Variants in BMPR2 observed in about 807,000 individuals in gnomAD.
BMPR2 encodes bone morphogenetic protein receptor type 2.
BMPR2 carries 29 observed loss-of-function variants against 100.8 expected under a neutral mutation model. That is an observed-to-expected ratio of 0.29 (90% CI 0.21 to 0.39). The LOEUF is 0.39. BMPR2 is among the 10% of genes least tolerant of loss of function. BMPR2 has a pLI of 1.00. For missense variants in BMPR2, 1,011 were observed against 1,274.5 expected (o/e 0.79, Z 3.15); for synonymous variants, 382 against 442.3 (o/e 0.86, Z 1.71).
chr2:202,525,574 C>G (rs1298574170), intron 7 of BMPR2, among the ~76,000 whole-genome samples: 1 of 152,152 alleles, frequency 6.6e-6, no homozygotes, highest in East Asian at 1.9e-4. Context: ...GGAATTGTCC[C>G]TTTCTGTCTC....
intron 1 of BMPR2, among the ~76,000 whole-genome samples, chr2:202,388,406 A>AC (rs1262519242): frequency 9.3e-5 from 14 of 150,412 alleles, no homozygotes; most frequent in African/African-American, 2.2e-4. Context: ...CAAAAAAAAA[A>AC]AAAAAAAAAA....
At position 202,512,796 on chromosome 2, in the gene BMPR2, A is replaced by T. The variant is rs930519258; in HGVS notation, c.419-923A>T. Among the ~76,000 whole-genome samples the T allele has an allele frequency of 5.9e-4, 90 of 152,172 alleles. 6 individuals are homozygous for T. Among genetic ancestry groups the T allele is most frequent in the Admixed American group, 2.0e-4 (3 of 15,272 alleles). The stretch of plus-strand genomic sequence containing the variant: ...AAACTTGGGCTCAGATAGGAGAAGA[A>T]ACTTTCCTAAGGTCATATGTTAAGT... On this transcript the variant is annotated intron_variant, in intron 3 of 12. Coordinates refer to ENST00000374580, the MANE Select transcript of BMPR2 (RefSeq NM_001204.7).
At chr2:202,400,804 A>C (rs1690756222) in intron 1 of BMPR2, among the ~76,000 whole-genome samples, 1 of 152,170 alleles carries the variant, frequency 6.6e-6, no homozygotes, top group African/African-American at 2.4e-5. Flanking sequence ...TTAGCTACTA[A>C]TTGTGAAACA....
chr2:202,538,364 G>T (rs1415622414), intron 9 of BMPR2, among the ~76,000 whole-genome samples: 4 of 152,026 alleles, frequency 2.6e-5, no homozygotes, highest in Non-Finnish European at 5.9e-5. Flanking sequence ...TCTGAGGCAG[G>T]AGAACTGCTT....
chr2:202,560,567 G>A lies in BMPR2; in HGVS notation c.*621G>A, dbSNP rs1303164094. ...TGCCCCATCTCCCATACTTTTGAAG[G>A]TCAGTTCTATGACAGTGAATTTTGC... On this transcript the variant is annotated 3_prime_UTR_variant, in exon 13 of 13. Transcript: ENST00000374580. 2 of 154,636 alleles carry A rather than the reference G, an allele frequency of 1.3e-5. No homozygotes were observed. The highest frequency in any genetic ancestry group is 2.9e-5 in the Non-Finnish European group (2 of 69,450). The allele number at this position is 154,636 out of a possible 1,614,324, so 9.6% of individuals were successfully genotyped here.
chr2:202,439,985 C>T (rs537161565), intron 1 of BMPR2, among the ~76,000 whole-genome samples: 1 of 150,278 alleles, frequency 6.7e-6, no homozygotes, highest in East Asian at 1.9e-4. Flanking sequence ...GCCCTTAATC[C>T]ATTTAACCCT....
chr2:202,553,603 C>G (rs879607660), intron 11 of BMPR2, among the ~76,000 whole-genome samples: 5 of 151,894 alleles, frequency 3.3e-5, no homozygotes, highest in African/African-American at 1.2e-4. Flanking sequence ...AGAAAGGCAT[C>G]CAGGAAAGGG....
intron 7 of BMPR2, among the ~76,000 whole-genome samples, chr2:202,527,318 C>T (rs774219195): frequency 1.3e-5 from 2 of 150,706 alleles, no homozygotes; most frequent in East Asian, 2.0e-4. Flanking sequence ...AACCCTGTCT[C>T]TACTAAAAAT....
At chr2:202,542,739 ATAT>A (rs1370052495) in intron 10 of BMPR2, among the ~76,000 whole-genome samples, 2 of 152,164 alleles carry the variant, frequency 1.3e-5, no homozygotes, top group Non-Finnish European at 2.9e-5. Flanking sequence ...AATATTTTAA[ATAT>A]TATTGAAATT....
In BMPR2 at chr2:202,532,744, T is replaced by C; in HGVS notation, c.1276+12T>C. 1.2e-6 allele frequency: 2 copies of C among 1,609,762 alleles called. No homozygotes were observed. The highest frequency in any genetic ancestry group is 3.3e-5 in the Admixed American group (2 of 60,024). ...AGACCTCTTCCCAGGTAAAAACTACTGTCAAAAGTTGATATTTTTTGAAGT... is the reference window on the plus strand; with the variant it reads ...AGACCTCTTCCCAGGTAAAAACTACCGTCAAAAGTTGATATTTTTTGAAGT... On this transcript the variant is annotated intron_variant, in intron 9 of 12. Coordinates refer to ENST00000374580, the MANE Select transcript of BMPR2 (RefSeq NM_001204.7). This position sits in a 1 kb window ranked among gnomAD's most constrained non-coding sequence, Gnocchi z 4.1.
In BMPR2 at chr2:202,431,058, A is replaced by G. The variant is rs553668195; in HGVS notation, c.77-33751A>G. On this transcript the variant is annotated intron_variant, in intron 1 of 12. Transcript: ENST00000374580. The stretch of plus-strand genomic sequence containing the variant: ...TTGGGATTTTTCACGATTAGAGGAG[A>G]CCAAGATATATTTCCTCAGCTGTTA... 2.0e-5 allele frequency among the ~76,000 whole-genome samples: 3 copies of G among 150,782 alleles called. No homozygotes were observed. In the South Asian group the frequency reaches 6.2e-4, roughly 31 times the overall value.
intron 1 of BMPR2, among the ~76,000 whole-genome samples, chr2:202,404,810 T>G (rs571193265): frequency 6.6e-6 from 1 of 152,118 alleles, no homozygotes; most frequent in East Asian, 1.9e-4. Context: ...GTCCCCAGTG[T>G]CTATCGTTCC....
At chr2:202,476,469 G>A (rs1351350096) in intron 3 of BMPR2, among the ~76,000 whole-genome samples, 1 of 152,186 alleles carries the variant, frequency 6.6e-6, no homozygotes, top group Non-Finnish European at 1.5e-5. Flanking sequence ...GACTAGCCAT[G>A]ATTTGAGTAA....
chr2:202,485,545 C>CTTTTTTTTTTTTTTTTTTTTTTTTTTTT lies in BMPR2; in HGVS notation c.418+17875_418+17876insTTTTTTTTTTTTTTTTTTTTTTTTTTTT, dbSNP rs762096820. Among the ~76,000 whole-genome samples the CTTTTTTTTTTTTTTTTTTTTTTTTTTTT allele has an allele frequency of 1.1e-4, 7 of 64,018 alleles. 2 individuals carry two copies. Among genetic ancestry groups the CTTTTTTTTTTTTTTTTTTTTTTTTTTTT allele is most frequent in the Non-Finnish European group, 1.9e-4 (7 of 37,162 alleles). 42.0% of individuals were successfully genotyped at this position (64,018 alleles called of 152,430 possible). On this transcript the variant is annotated intron_variant, in intron 3 of 12. Transcript: ENST00000374580. Reference sequence around the variant, plus strand: ...GTCTCAAATCTCCCTTTGCCTTTATCTTTTTTTTTTTTTTTTTTTGAGACA... The same window carrying CTTTTTTTTTTTTTTTTTTTTTTTTTTTT: ...GTCTCAAATCTCCCTTTGCCTTTATCTTTTTTTTTTTTTTTTTTTTTTTTTTTTTTTTTTTTTTTTTTTTTTTGAGACA...
chr2:202,461,329 A>G (rs935028861), intron 1 of BMPR2, among the ~76,000 whole-genome samples: 43 of 152,128 alleles, frequency 2.8e-4, no homozygotes, highest in South Asian at 4.1e-4. Flanking sequence ...TACTAAAAAT[A>G]CAAAATTAGC....
intron 12 of BMPR2, 126 bp downstream of exon 12, chr2:202,556,657 C>T: frequency 8.1e-7 from 1 of 1,236,088 alleles, no homozygotes; most frequent in Non-Finnish European, 1.1e-6. Context: ...TGTAAATGAT[C>T]CATTTGAGGC....
chr2:202,468,350 G>A (rs531702819), intron 3 of BMPR2, among the ~76,000 whole-genome samples: 17 of 152,186 alleles, frequency 1.1e-4, no homozygotes, highest in African/African-American at 2.2e-4. Context: ...GTGGTGGTGC[G>A]CATGTGTAGT....
At chr2:202,440,302 G>A (rs1038226253) in intron 1 of BMPR2, among the ~76,000 whole-genome samples, 1 of 149,486 alleles carries the variant, frequency 6.7e-6, no homozygotes, top group Non-Finnish European at 1.5e-5. Context: ...TGGTGGTAGG[G>A]CAGACACACT....
In BMPR2 at chr2:202,563,282, T is replaced by TCA; in HGVS notation, c.*3336_*3337insCA. On this transcript the variant is annotated 3_prime_UTR_variant, in exon 13 of 13. Coordinates refer to ENST00000374580, the MANE Select transcript of BMPR2 (RefSeq NM_001204.7). ...CCCCGTCTCTATTAAAAATATTTTTTAAAAATTAACTGAGCGTGGTGGTGG... is the reference window on the plus strand; with the variant it reads ...CCCCGTCTCTATTAAAAATATTTTTTCAAAAAATTAACTGAGCGTGGTGGTGG... The TCA allele has an allele frequency of 6.6e-6, 1 of 152,080 alleles. No individual in the cohort carries two copies. Among genetic ancestry groups the TCA allele is most frequent in the African/African-American group, 2.4e-5 (1 of 41,414 alleles). The allele number at this position is 152,080 out of a possible 1,614,324, so 9.4% of individuals were successfully genotyped here. A position where few individuals can be genotyped will look rare whatever the true frequency, so the allele number is the denominator to read the frequency against.
Sources: gnomAD v4.1 joint callset for allele counts (sites outside exome capture counted in the v4.1 genomes callset) on GRCh38, gnomAD v4.1.1 for gene constraint, Gnocchi (gnomAD v3.1) non-coding constraint, MANE v1.5 for transcripts, NCBI Gene and HGNC (gene_info 2026-07-23, HGNC 2026-07-21) for gene names.